The following ADH5 variants were observed in gnomAD, a reference collection of about 807,000 sequenced individuals.
ADH5 encodes alcohol dehydrogenase 5 (class III), chi polypeptide.
ADH5 carries 32 observed loss-of-function variants against 40.3 expected under a neutral mutation model. The ratio of observed to expected loss-of-function variants is 0.79; its 90% CI spans 0.60 to 1.07. The LOEUF (loss-of-function observed/expected upper bound fraction) is 1.07, where lower values mean the gene tolerates loss of function less well. Ranked by LOEUF, ADH5 falls within the 50% of genes least tolerant of loss-of-function variation. The pLI is 0.00. For synonymous variants in ADH5, 125 were observed against 154.3 expected (o/e 0.81, Z 1.41); for missense variants, 353 against 460.5 (o/e 0.77, Z 2.14).
chr4:99,087,582 T>C (rs1192656384), intron 1 of ADH5, among the ~76,000 whole-genome samples: 1 of 152,188 alleles, frequency 6.6e-6, no homozygotes, highest in Non-Finnish European at 1.5e-5. Context: ...ATACTAACAA[T>C]TAAGTTATGC....
In ADH5 at chr4:99,074,024, G is replaced by C. The variant is rs991626363; in HGVS notation, c.961+890C>G. Among the ~76,000 whole-genome samples the C allele has an allele frequency of 1.7e-4, 26 of 152,308 alleles. 1 individual carries two copies. Among genetic ancestry groups the C allele is most frequent in the Non-Finnish European group, 3.5e-4 (24 of 68,022 alleles). ...GACATCTTCTAAGGCAAATTCTGTA[G>C]TTATAAAGAACGAAGATTTTGGCCA... On this transcript the variant is annotated intron_variant, in intron 7 of 8. Coordinates refer to ENST00000296412, the MANE Select transcript of ADH5 (RefSeq NM_000671.4).
At chr4:99,079,942 T>C (rs1417504767) in intron 4 of ADH5, 2 of 448,408 alleles carry the variant, frequency 4.5e-6, no homozygotes, top group Non-Finnish European at 8.9e-6. Flanking sequence ...TTCTGTTTTA[T>C]ATCTTAACGG....
chr4:99,084,706 C>T (rs527578833), intron 2 of ADH5, among the ~76,000 whole-genome samples: 17 of 152,334 alleles, frequency 1.1e-4, no homozygotes, highest in South Asian at 6.2e-4. Flanking sequence ...TTCTTTCTTG[C>T]GTGAGGTACA....
chr4:99,072,458 C>T lies in ADH5; in HGVS notation c.1101-17G>A. 1 of 1,612,774 alleles carries T rather than the reference C, an allele frequency of 6.2e-7. No homozygotes were observed. ...GTTCGAATGCTGTAAAAGGAAGCAA[C>T]ATACTAAGTTTTAAATGATACCTTT... is the stretch of plus-strand genomic sequence containing the variant. On this transcript the variant is annotated splice_polypyrimidine_tract_variant and intron_variant, in intron 8 of 8. Coordinates refer to ENST00000296412, the MANE Select transcript of ADH5 (RefSeq NM_000671.4).
intron 1 of ADH5, among the ~76,000 whole-genome samples, chr4:99,087,944 C>CT (rs990066839): frequency 6.6e-6 from 1 of 152,168 alleles, no homozygotes; most frequent in African/African-American, 2.4e-5. Context: ...CAACTTTAGA[C>CT]TGAGTATGTT....
At chr4:99,079,744 C>G in intron 4 of ADH5, 1 of 258,940 alleles carries the variant, frequency 3.9e-6, no homozygotes, top group Non-Finnish European at 7.6e-6. Flanking sequence ...ACTACCTTTT[C>G]TGTGTCAAGG....
intron 3 of ADH5, chr4:99,081,717 T>C: frequency 1.8e-6 from 1 of 549,866 alleles, no homozygotes; most frequent in East Asian, 2.9e-5. Context: ...TTGATGCATC[T>C]CTAAAAATTC....
intron 7 of ADH5, among the ~76,000 whole-genome samples, chr4:99,073,323 C>T (rs921973493): frequency 7.2e-5 from 11 of 152,240 alleles, no homozygotes; most frequent in Non-Finnish European, 1.2e-4. Context: ...GGACTACAGG[C>T]GCCTGCCACC....
At chr4:99,085,426 A>G in intron 1 of ADH5, 1 of 408,390 alleles carries the variant, frequency 2.4e-6, no homozygotes, top group Non-Finnish European at 4.4e-6. Context: ...GGTCAGATAG[A>G]AAAGTATCTT....
At chr4:99,074,883 G>GA in intron 7 of ADH5, 31 bp downstream of exon 7, 1 of 1,561,484 alleles carries the variant, frequency 6.4e-7, no homozygotes, top group South Asian at 1.2e-5. Flanking sequence ...TAACAAAAGA[G>GA]AAAATGCAGT....
intron 1 of ADH5, among the ~76,000 whole-genome samples, chr4:99,087,001 T>C (rs1728152863): frequency 1.4e-5 from 2 of 141,918 alleles, no homozygotes; most frequent in South Asian, 2.3e-4. Flanking sequence ...TGGCACAGCA[T>C]AGCTTTGCAA....
chr4:99,083,167 T>C (rs910104573), intron 2 of ADH5, among the ~76,000 whole-genome samples: 5 of 152,204 alleles, frequency 3.3e-5, no homozygotes, highest in South Asian at 2.1e-4. Flanking sequence ...TGAATACCCA[T>C]TGAGCTGTAT....
intron 6 of ADH5, chr4:99,075,275 T>C: frequency 3.9e-6 from 1 of 259,126 alleles, no homozygotes; most frequent in Non-Finnish European, 7.0e-6. Context: ...CAGGCTGGAG[T>C]GTAGTGCATG....
intron 2 of ADH5, among the ~76,000 whole-genome samples, chr4:99,082,572 G>A (rs1728046451): frequency 6.6e-6 from 1 of 152,156 alleles, no homozygotes; most frequent in African/African-American, 2.4e-5. Context: ...GCTTGAGTCT[G>A]GACCAAATTT....
intron 4 of ADH5, among the ~76,000 whole-genome samples, chr4:99,081,014 ACT>A (rs932312404): frequency 1.8e-4 from 27 of 152,122 alleles, no homozygotes; most frequent in African/African-American, 5.5e-4. Flanking sequence ...CATTGTGAAG[ACT>A]CTGTTTCTCT....
intron 4 of ADH5, among the ~76,000 whole-genome samples, chr4:99,078,132 A>G (rs1464358977): frequency 6.6e-6 from 1 of 152,144 alleles, no homozygotes; most frequent in East Asian, 1.9e-4. Flanking sequence ...AGCCTTGAAC[A>G]CTGAGGCAGG....
In ADH5 at chr4:99,085,179, C is replaced by T. The variant is rs1477230237; in HGVS notation, c.50G>A (p.Gly17Glu). 2 of 1,546,220 alleles carry T rather than the reference C, an allele frequency of 1.3e-6. No individual in the cohort carries two copies. Among genetic ancestry groups the T allele is most frequent in the Non-Finnish European group, 1.7e-6 (2 of 1,144,872 alleles). Residue 17 changes from glycine to glutamate, a missense_variant, in exon 2 of 9, where the codon GGA becomes GAA. Physicochemically the swap from Gly to Glu is moderately conservative, Grantham distance 98. Transcript: ENST00000296412. Reference sequence around the variant, plus strand: ...TATCTCCTCTATGGAGAGAGGCTTTCCAGCCTCCCAAGCAACTGCAGCCTT... The same window carrying T: ...TATCTCCTCTATGGAGAGAGGCTTTTCAGCCTCCCAAGCAACTGCAGCCTT... ...KCKAAVAWEA[G>E]KPLSIEEIEV...
At position 99,074,913 on chromosome 4, in the gene ADH5, C is replaced by T; in HGVS notation, c.961+1G>A. 1.2e-6 allele frequency: 2 copies of T among 1,606,686 alleles called. No homozygotes were observed. Among genetic ancestry groups the T allele is most frequent in the Non-Finnish European group, 1.7e-6 (2 of 1,175,742 alleles). Reference sequence around the variant, plus strand: ...TGCAGTCATCTCATCCATCGAATTACCTCCAAAGGCAGTGCCTTTCCATGT... The same window carrying T: ...TGCAGTCATCTCATCCATCGAATTATCTCCAAAGGCAGTGCCTTTCCATGT... On this transcript the variant is annotated splice_donor_variant, in intron 7 of 8. Coordinates refer to ENST00000296412, the MANE Select transcript of ADH5 (RefSeq NM_000671.4). LOFTEE classifies it high-confidence loss of function.
At position 99,081,659 on chromosome 4, in the gene ADH5, A is replaced by G. The variant is rs141233592; in HGVS notation, c.257-207T>C. The G allele has an allele frequency of 1.5e-4, 87 of 573,154 alleles. 1 individual carries two copies. The East Asian group carries it at 2.5e-3, about 16-fold the overall frequency. 35.5% of individuals were successfully genotyped at this position (573,154 alleles called of 1,614,324 possible). A position where few individuals can be genotyped will look rare whatever the true frequency, so the allele number is the denominator to read the frequency against. ...TTTTTATCTAAATGAAACTCTTTAA[A>G]CAATAACTGAAGAACAATGAAGTTA... On this transcript the variant is annotated intron_variant, in intron 3 of 8. Coordinates refer to ENST00000296412, the MANE Select transcript of ADH5 (RefSeq NM_000671.4).
Sources: gnomAD v4.1 joint callset for allele counts (sites outside exome capture counted in the v4.1 genomes callset) on GRCh38, gnomAD v4.1.1 for gene constraint, MANE v1.5 for transcripts, NCBI Gene and HGNC (gene_info 2026-07-23, HGNC 2026-07-21) for gene names.